Variants in TNS3 observed in about 807,000 individuals in gnomAD.
The protein encoded by TNS3 is tensin 3, also known as tensin-3.
A neutral mutation model predicts 140.9 loss-of-function variants in TNS3; 45 were observed. The observed-to-expected ratio is 0.32, with a 90% CI of 0.25 to 0.41. The LOEUF (loss-of-function observed/expected upper bound fraction) is 0.41. TNS3 is among the 10% of genes least tolerant of loss of function. TNS3 has a pLI of 1.00. For missense variants in TNS3, 1,716 were observed against 1,906.7 expected, an observed-to-expected ratio of 0.90 and a Z score of 1.86; for synonymous variants, 815 against 788.4, an observed-to-expected ratio of 1.03 and a Z score of -0.56.
rs376976836 is a variant in TNS3 at position 47,341,180 on chromosome 7, G to C, written c.2650+3575C>G. 3.0e-4 allele frequency among the ~76,000 whole-genome samples: 45 copies of C among 152,242 alleles called. No individual in the cohort carries two copies. The South Asian group carries it at 9.3e-3, about 32-fold the overall frequency. The stretch of plus-strand genomic sequence containing the variant: ...TAAGGAGTTTTGTATCTGAATCTGC[G>C]AGGGATATTGGTCTGTAGTTTTCTT... On this transcript the variant is annotated intron_variant, in intron 20 of 30. Coordinates refer to ENST00000311160, the MANE Select transcript of TNS3 (RefSeq NM_022748.12).
At chr7:47,435,230 C>A (rs1254484860) in intron 8 of TNS3, 52 bp downstream of exon 8, 1 of 1,607,412 alleles carries the variant, frequency 6.2e-7, no homozygotes. Flanking sequence ...CATCTCAACT[C>A]CAAAGGCTGA....
intron 26 of TNS3, 21 bp downstream of exon 26, chr7:47,292,807 C>G (rs1290833628): frequency 6.2e-7 from 1 of 1,611,746 alleles, no homozygotes; most frequent in Admixed American, 1.7e-5. Context: ...CAGAGCCTGA[C>G]TAGCACTGAG....
At chr7:47,298,706 C>A (rs552652964) in intron 23 of TNS3, among the ~76,000 whole-genome samples, 1 of 152,376 alleles carries the variant, frequency 6.6e-6, no homozygotes, top group Non-Finnish European at 1.5e-5. Context: ...ACCTCCACGG[C>A]GCACTCCCAC....
chr7:47,487,788 A>G (rs1470445730), intron 3 of TNS3, among the ~76,000 whole-genome samples: 4 of 152,250 alleles, frequency 2.6e-5, no homozygotes, highest in African/African-American at 9.6e-5. Flanking sequence ...ACTCTAAGAT[A>G]AGTTGCAAAG....
At chr7:47,477,035 TTG>T (rs2151767412) in intron 4 of TNS3, among the ~76,000 whole-genome samples, 1 of 152,322 alleles carries the variant, frequency 6.6e-6, no homozygotes, top group South Asian at 2.1e-4. Flanking sequence ...TCCTTCTCCA[TTG>T]TGTCTTAAAT....
intron 10 of TNS3, among the ~76,000 whole-genome samples, chr7:47,416,524 G>A (rs1044686698): frequency 6.6e-6 from 1 of 152,206 alleles, no homozygotes; most frequent in African/African-American, 2.4e-5. Context: ...AACAGGGCAT[G>A]TCAGTATTTC....
intron 24 of TNS3, 48 bp from the exon 25 acceptor site, chr7:47,293,876 A>G (rs566106632): frequency 6.4e-7 from 1 of 1,555,620 alleles, no homozygotes; most frequent in African/African-American, 1.4e-5. Flanking sequence ...AAATGGGAGC[A>G]TGGGAGAATT....
At chr7:47,303,758 C>G (rs562147327) in intron 21 of TNS3, among the ~76,000 whole-genome samples, 174 bp from the exon 22 acceptor site, 4 of 152,204 alleles carry the variant, frequency 2.6e-5, no homozygotes, top group African/African-American at 9.7e-5. Flanking sequence ...TCTGAGCTCA[C>G]GCTGCCTGCC....
intron 1 of TNS3, among the ~76,000 whole-genome samples, chr7:47,543,462 G>T (rs1453844519): frequency 6.6e-6 from 1 of 152,216 alleles, no homozygotes; most frequent in Non-Finnish European, 1.5e-5. Context: ...GCGGTGAGGG[G>T]GCTTTCGCCC....
intron 16 of TNS3, among the ~76,000 whole-genome samples, chr7:47,388,369 C>T (rs1483350437): frequency 6.6e-6 from 1 of 152,142 alleles, no homozygotes; most frequent in African/African-American, 2.4e-5. Context: ...AACAGAAGAA[C>T]AGTCAAGGTT....
chr7:47,378,395 C>T (rs748554921), intron 16 of TNS3, among the ~76,000 whole-genome samples: 2 of 152,188 alleles, frequency 1.3e-5, no homozygotes, highest in Admixed American at 6.5e-5. Context: ...TTTAAAAAAA[C>T]GTATTCAGAA....
At position 47,275,637 on chromosome 7, in the gene TNS3, T is replaced by G. The variant is rs1308775067; in HGVS notation, c.*2439A>C. On this transcript the variant is annotated 3_prime_UTR_variant, in exon 31 of 31. Transcript: ENST00000311160. ...ATGACACACAGCTTGTTCTGTTTAA[T>G]GCACATGTAACACAAAAGGAAGAAA... 2.7e-6 allele frequency: 1 copy of G among 368,978 alleles called. No homozygotes were observed. The highest frequency in any genetic ancestry group is 2.1e-5 in the African/African-American group (1 of 47,184). The allele number at this position is 368,978 out of a possible 1,614,324, so 22.9% of individuals were successfully genotyped here. A position where few individuals can be genotyped will look rare whatever the true frequency, so the allele number is the denominator to read the frequency against.
At chr7:47,469,187 T>G (rs1796844239) in intron 4 of TNS3, among the ~76,000 whole-genome samples, 1 of 152,166 alleles carries the variant, frequency 6.6e-6, no homozygotes, top group Non-Finnish European at 1.5e-5. Context: ...GGCAAAGAAT[T>G]TATGGCCAAG....
At chr7:47,389,053 A>G (rs796906994) in intron 16 of TNS3, among the ~76,000 whole-genome samples, 402 of 32,530 alleles carry the variant, frequency 0.012, 46 homozygotes, top group African/African-American at 0.028. Context: ...AAGAAGAAGA[A>G]GAAGAAGAAG....
intron 16 of TNS3, among the ~76,000 whole-genome samples, chr7:47,395,392 G>A (rs1376447805): frequency 6.6e-6 from 1 of 152,126 alleles, no homozygotes; most frequent in African/African-American, 2.4e-5. Flanking sequence ...ACCAGCCACC[G>A]CTTCACCCTT....
chr7:47,289,727 T>C lies in TNS3; in HGVS notation c.3928+2228A>G, dbSNP rs146864738. Among the ~76,000 whole-genome samples, 700 of 152,328 alleles carry C rather than the reference T, an allele frequency of 4.6e-3. 3 individuals carry two copies. The highest frequency in any genetic ancestry group is 0.018 in the South Asian group (86 of 4,828). The stretch of plus-strand genomic sequence containing the variant: ...TCTATATGAGGAACACTATTAAACT[T>C]TGATGAAAGATACAAAAAACTAAAT... On this transcript the variant is annotated intron_variant, in intron 27 of 30. Transcript: ENST00000311160.
intron 10 of TNS3, among the ~76,000 whole-genome samples, chr7:47,417,420 C>T (rs1375824275): frequency 6.6e-6 from 1 of 152,338 alleles, no homozygotes; most frequent in South Asian, 2.1e-4. Context: ...GCCACGAGCT[C>T]CCAAAGAAGG....
chr7:47,502,270 T>G (rs1798255158), intron 3 of TNS3, among the ~76,000 whole-genome samples: 1 of 152,204 alleles, frequency 6.6e-6, no homozygotes, highest in East Asian at 1.9e-4. Context: ...CGTATCCCAC[T>G]GCACGGCAGC....
chr7:47,519,587 C>A (rs1217103754), intron 2 of TNS3, among the ~76,000 whole-genome samples: 2 of 152,182 alleles, frequency 1.3e-5, no homozygotes, highest in Non-Finnish European at 2.9e-5. Context: ...TTCTTTGTCC[C>A]TCACTAGCCC....
Sources: allele counts gnomAD v4.1 joint callset (sites outside exome capture counted in the v4.1 genomes callset), GRCh38; gene constraint gnomAD v4.1.1; transcripts MANE v1.5; gene names NCBI Gene and HGNC (gene_info 2026-07-23, HGNC 2026-07-21).